ASIC2: variants seen among roughly 807,000 people sequenced by gnomAD.
ASIC2 encodes acid-sensing ion channel 2.
A neutral mutation model predicts 57.3 loss-of-function variants in ASIC2; 25 were observed. The ratio of observed to expected loss-of-function variants is 0.44; its 90% CI spans 0.32 to 0.61. The LOEUF (loss-of-function observed/expected upper bound fraction) is 0.61. ASIC2 is among the 20% of genes least tolerant of loss of function. The pLI is 0.06. For missense variants in ASIC2, 641 were observed against 738.1 expected, an observed-to-expected ratio of 0.87 and a Z score of 1.52; for synonymous variants, 319 against 307.5, an observed-to-expected ratio of 1.04 and a Z score of -0.39.
At chr17:33,726,278 C>T (rs1392494423) in intron 1 of ASIC2, among the ~76,000 whole-genome samples, 1 of 152,096 alleles carries the variant, frequency 6.6e-6, no homozygotes, top group Non-Finnish European at 1.5e-5. Context: ...TGTCTCCAGC[C>T]CCAGTTGCCA....
chr17:33,824,845 G>A (rs930345249), intron 1 of ASIC2, among the ~76,000 whole-genome samples: 2 of 152,222 alleles, frequency 1.3e-5, no homozygotes, highest in African/African-American at 4.8e-5. Context: ...CCCCAGCCAT[G>A]TGGAGCTGTG....
intron 1 of ASIC2, among the ~76,000 whole-genome samples, chr17:33,591,412 T>C (rs1904820271): frequency 6.6e-6 from 1 of 151,980 alleles, no homozygotes; most frequent in African/African-American, 2.4e-5. Context: ...ACATGGTTAA[T>C]CCATCTTGGT....
At chr17:33,578,889 C>A (rs1916744234) in intron 1 of ASIC2, among the ~76,000 whole-genome samples, 1 of 152,154 alleles carries the variant, frequency 6.6e-6, no homozygotes. Flanking sequence ...GTGGTAAAAC[C>A]CTGCCACAGC....
chr17:33,471,602 G>T (rs1913052463), intron 1 of ASIC2, among the ~76,000 whole-genome samples: 1 of 152,092 alleles, frequency 6.6e-6, no homozygotes, highest in Non-Finnish European at 1.5e-5. Flanking sequence ...GCAGAGGGGG[G>T]AGTAATCATT....
intron 1 of ASIC2, among the ~76,000 whole-genome samples, chr17:33,910,232 C>T (rs958068326): frequency 3.3e-5 from 5 of 152,162 alleles, no homozygotes; most frequent in African/African-American, 4.8e-5. Context: ...GGATGACAGA[C>T]ATTAGAAAAT....
chr17:33,784,301 C>T (rs996916834), intron 1 of ASIC2, among the ~76,000 whole-genome samples: 6 of 152,064 alleles, frequency 3.9e-5, no homozygotes, highest in Non-Finnish European at 5.9e-5. Flanking sequence ...CTGGCATGTA[C>T]GCGGAAATAC....
intron 1 of ASIC2, among the ~76,000 whole-genome samples, chr17:33,893,306 T>G (rs964884746): frequency 6.6e-6 from 1 of 152,188 alleles, no homozygotes; most frequent in Admixed American, 6.5e-5. Flanking sequence ...ACTTCCTTTA[T>G]GAGGAGCTGT....
At chr17:33,431,537 G>A (rs951326765) in intron 1 of ASIC2, among the ~76,000 whole-genome samples, 39 of 152,120 alleles carry the variant, frequency 2.6e-4, no homozygotes, top group African/African-American at 8.4e-4. Flanking sequence ...CCTGGGAGGC[G>A]GAGGTCGCCG....
At chr17:33,968,695 C>T (rs1905141164) in intron 1 of ASIC2, among the ~76,000 whole-genome samples, 1 of 152,224 alleles carries the variant, frequency 6.6e-6, no homozygotes, top group Admixed American at 6.5e-5. Context: ...CGCCCATCTG[C>T]CAGTGTGCGG....
intron 1 of ASIC2, among the ~76,000 whole-genome samples, chr17:33,948,512 G>A (rs751223392): frequency 3.3e-5 from 5 of 152,182 alleles, no homozygotes; most frequent in Non-Finnish European, 5.9e-5. Flanking sequence ...GCCCACTCCC[G>A]CCAGGATCAC....
intron 1 of ASIC2, among the ~76,000 whole-genome samples, chr17:33,187,143 C>A (rs1906229258): frequency 6.6e-6 from 1 of 152,182 alleles, no homozygotes; most frequent in South Asian, 2.1e-4. Flanking sequence ...CTCAGCAAGT[C>A]TATGAGATGC....
At chr17:33,094,828 A>C (rs2092171879) in intron 2 of ASIC2, among the ~76,000 whole-genome samples, 4 of 152,178 alleles carry the variant, frequency 2.6e-5, no homozygotes, top group Admixed American at 2.0e-4. Context: ...TGTTTCCCAG[A>C]CAAGTGAGTC....
chr17:33,105,097 C>G (rs1273912659), intron 2 of ASIC2, among the ~76,000 whole-genome samples: 1 of 152,164 alleles, frequency 6.6e-6, no homozygotes, highest in Non-Finnish European at 1.5e-5. Context: ...CTCTGACTTC[C>G]TGGGACTTGT....
chr17:33,268,919 G>A (rs1372900357), intron 1 of ASIC2, among the ~76,000 whole-genome samples: 2 of 152,138 alleles, frequency 1.3e-5, no homozygotes, highest in Admixed American at 6.5e-5. Flanking sequence ...ACTTCCTAAC[G>A]CAAATACATT....
intron 1 of ASIC2, among the ~76,000 whole-genome samples, chr17:33,389,298 A>G (rs540395247): frequency 2.4e-4 from 36 of 152,270 alleles, no homozygotes; most frequent in Non-Finnish European, 4.7e-4. Flanking sequence ...AGATGGCACA[A>G]TGTATCCCTT....
chr17:34,125,134 C>T (rs767137899), intron 1 of ASIC2, among the ~76,000 whole-genome samples: 1 of 151,824 alleles, frequency 6.6e-6, no homozygotes, highest in Non-Finnish European at 1.5e-5. Context: ...CTTCTTCCTC[C>T]GTGTCCCCAT....
intron 1 of ASIC2, among the ~76,000 whole-genome samples, chr17:33,801,008 C>A (rs981515390): frequency 3.9e-5 from 6 of 152,182 alleles, no homozygotes; most frequent in Non-Finnish European, 8.8e-5. Context: ...ACAGGAAGAA[C>A]AAGCAGTCAG....
chr17:33,194,452 A>G (rs1423037865), intron 1 of ASIC2, among the ~76,000 whole-genome samples: 2 of 152,188 alleles, frequency 1.3e-5, no homozygotes, highest in Non-Finnish European at 2.9e-5. Flanking sequence ...TTGCTCACTA[A>G]GCCGATATGA....
chr17:33,633,932 C>T (rs574106707), intron 1 of ASIC2, among the ~76,000 whole-genome samples: 61 of 152,310 alleles, frequency 4.0e-4, no homozygotes, highest in South Asian at 8.3e-4. Context: ...TAGGGGCTTC[C>T]AGAGGCATTT....
Sources: gnomAD v4.1 joint callset for allele counts (sites outside exome capture counted in the v4.1 genomes callset) on GRCh38, gnomAD v4.1.1 for gene constraint, MANE v1.5 for transcripts, NCBI Gene and HGNC (gene_info 2026-07-23, HGNC 2026-07-21) for gene names.